The following RYR2 variants were observed in gnomAD, a reference collection of about 807,000 sequenced individuals.
RYR2 encodes cardiac muscle ryanodine receptor-calcium release channel.
In RYR2, 227 loss-of-function variants were observed where a neutral mutation model predicts 601.1. That is an observed-to-expected ratio of 0.38 (90% CI 0.34 to 0.42). The LOEUF is 0.42. Ranked by LOEUF, RYR2 falls within the 10% of genes least tolerant of loss-of-function variation. The probability of loss-of-function intolerance (pLI) is 1.00; values close to 1 mark genes in which losing one functional copy is unlikely to be tolerated. For missense variants in RYR2, 4,646 were observed against 6,156.5 expected (o/e 0.75, Z 8.21); for synonymous variants, 2,223 against 2,175.1 (o/e 1.02, Z -0.61).
chr1:237,460,504 G>A (rs1659354250), intron 16 of RYR2, among the ~76,000 whole-genome samples: 1 of 152,078 alleles, frequency 6.6e-6, no homozygotes, highest in South Asian at 2.1e-4. Flanking sequence ...TTCCTCAAAG[G>A]GTTTTATGAA....
rs1367691395 is a variant in RYR2 at position 237,118,309 on chromosome 1, T to C, written c.48+75740T>C. On this transcript the variant is annotated intron_variant, in intron 1 of 104. Transcript: ENST00000366574. ...CCCACTCACCTTACAGAAAGTCCTT[T>C]TCTGTATCCCATGTGACAACTGTAG... is the stretch of plus-strand genomic sequence containing the variant. Among the ~76,000 whole-genome samples, 3 of 152,084 alleles carry C rather than the reference T, an allele frequency of 2.0e-5. No homozygotes were observed. The East Asian group carries it at 5.8e-4, about 29-fold the overall frequency.
intron 1 of RYR2, among the ~76,000 whole-genome samples, chr1:237,054,325 TC>T (rs1046209690): frequency 6.9e-5 from 1 of 14,484 alleles, no homozygotes; most frequent in African/African-American, 2.5e-4. Context: ...CCTCCCCGCC[TC>T]CCCCCTCCCC....
chr1:237,423,941 G>A (rs1221255685), intron 12 of RYR2, among the ~76,000 whole-genome samples: 4 of 152,176 alleles, frequency 2.6e-5, no homozygotes, highest in Non-Finnish European at 5.9e-5. Context: ...AATCATGACA[G>A]AAGGGGAAGC....
chr1:237,524,911 T>C (rs1163686982), intron 24 of RYR2, among the ~76,000 whole-genome samples: 2 of 152,150 alleles, frequency 1.3e-5, no homozygotes, highest in South Asian at 2.1e-4. Context: ...CACTATACTT[T>C]TTTAAAAAGT....
chr1:237,329,809 A>T (rs954404019), intron 2 of RYR2, among the ~76,000 whole-genome samples: 1 of 152,032 alleles, frequency 6.6e-6, no homozygotes, highest in South Asian at 2.1e-4. Flanking sequence ...TCACCTCCTG[A>T]GTTGTGATTT....
chr1:237,705,240 A>G lies in RYR2; in HGVS notation c.9477A>G (p.Leu3159=), dbSNP rs967916943. The change falls in exon 67 of 105, where the codon CTA becomes CTG. Residue 3159 remains leucine, a synonymous_variant. Coordinates refer to ENST00000366574, the MANE Select transcript of RYR2 (RefSeq NM_001035.3). ...AACGTTCTGCATTAGGAGAATGTCT[A>G]GCTGCCTTTGCTGGTGCTTTTCCTG... is the stretch of plus-strand genomic sequence containing the variant. The part of the protein sequence containing the change: ...ERQRSALGEC[L]AAFAGAFPVA... The G allele has an allele frequency of 6.2e-7, 1 of 1,608,108 alleles. No individual in the cohort carries two copies. The highest frequency in any genetic ancestry group is 8.5e-7 in the Non-Finnish European group (1 of 1,176,578).
Position 237,833,845 on chromosome 1 carries a change from A to G in RYR2, c.*1198A>G, listed in dbSNP as rs1664091042. The G allele has an allele frequency of 6.6e-6, 1 of 152,652 alleles. No individual in the cohort carries two copies. Among genetic ancestry groups the G allele is most frequent in the East Asian group, 1.9e-4 (1 of 5,192 alleles). 9.5% of individuals were successfully genotyped at this position (152,652 alleles called of 1,614,324 possible). A position where few individuals can be genotyped will look rare whatever the true frequency, so the allele number is the denominator to read the frequency against. Reference sequence around the variant, plus strand: ...CATTTTTTCCATTTTGAGTCCTTTTAAATGTAATGCTAACCTTTACAATTA... The same window carrying G: ...CATTTTTTCCATTTTGAGTCCTTTTGAATGTAATGCTAACCTTTACAATTA... On this transcript the variant is annotated 3_prime_UTR_variant, in exon 105 of 105. Transcript: ENST00000366574.
chr1:237,140,126 G>A (rs6670388), intron 1 of RYR2, among the ~76,000 whole-genome samples: 11,265 of 152,254 alleles, frequency 0.074, 462 homozygotes, highest in South Asian at 0.12. Flanking sequence ...CTGAAGCACC[G>A]TTGCAGAACA....
chr1:237,507,311 A>G (rs2150519754), intron 23 of RYR2, among the ~76,000 whole-genome samples: 1 of 152,348 alleles, frequency 6.6e-6, no homozygotes, highest in South Asian at 2.1e-4. Context: ...ATGATTGCAC[A>G]TGCTTCTAAA....
chr1:237,735,154 A>G (rs1290839655), intron 79 of RYR2, among the ~76,000 whole-genome samples: 1 of 152,168 alleles, frequency 6.6e-6, no homozygotes, highest in African/African-American at 2.4e-5. Context: ...AAATCTCCAG[A>G]TTTATTTCAT....
At chr1:237,677,924 G>T in intron 60 of RYR2, 124 bp from the exon 61 acceptor site, 2 of 634,204 alleles carry the variant, frequency 3.2e-6, no homozygotes, top group Admixed American at 2.9e-5. Flanking sequence ...ATTTTTGGTT[G>T]GCTTTTTACA....
Position 237,330,750 on chromosome 1 carries a change from T to G in RYR2, c.169-128T>G, listed in dbSNP as rs538554073. The G allele has an allele frequency of 2.4e-5, 17 of 723,356 alleles. No individual in the cohort carries two copies. In the South Asian group the frequency reaches 2.4e-4, roughly 10 times the overall value. 44.8% of individuals were successfully genotyped at this position (723,356 alleles called of 1,614,324 possible). The stretch of plus-strand genomic sequence containing the variant: ...AGTAATGACAGTGTTTCTTGATGAC[T>G]GGGGAACTTGCAGTAGAAAGTTGAC... On this transcript the variant is annotated intron_variant, in intron 2 of 104. Coordinates refer to ENST00000366574, the MANE Select transcript of RYR2 (RefSeq NM_001035.3).
At chr1:237,745,589 A>G (rs1023750933) in intron 80 of RYR2, among the ~76,000 whole-genome samples, 1 of 152,198 alleles carries the variant, frequency 6.6e-6, no homozygotes, top group African/African-American at 2.4e-5. Flanking sequence ...GACATTAGAA[A>G]GGCTCCTCAT....
At chr1:237,822,129 A>G (rs2819735) in intron 101 of RYR2, among the ~76,000 whole-genome samples, 39,919 of 152,012 alleles carry the variant, frequency 0.26, 5,698 homozygotes, top group East Asian at 0.61. Flanking sequence ...GAACTTCCCC[A>G]ACCTAGCAAG....
intron 26 of RYR2, 125 bp downstream of exon 26, chr1:237,548,715 T>G: frequency 8.3e-7 from 1 of 1,204,620 alleles, no homozygotes. Context: ...TAGTGCACAT[T>G]TGGACTAAAA....
intron 3 of RYR2, chr1:237,352,791 C>CATT (rs757286244): frequency 2.1e-6 from 1 of 480,442 alleles, no homozygotes; most frequent in Non-Finnish European, 4.2e-6. Flanking sequence ...TGTCTTGATG[C>CATT]ATTAGTAAGT....
At chr1:237,599,251 A>C (rs1288674759) in intron 34 of RYR2, among the ~76,000 whole-genome samples, 1 of 152,206 alleles carries the variant, frequency 6.6e-6, no homozygotes, top group Admixed American at 6.5e-5. Flanking sequence ...TCTGTTCAAC[A>C]TAATACTAGA....
At chr1:237,589,632 G>A (rs1379477957) in intron 29 of RYR2, among the ~76,000 whole-genome samples, 161 bp from the exon 30 acceptor site, 1 of 152,174 alleles carries the variant, frequency 6.6e-6, no homozygotes, top group Non-Finnish European at 1.5e-5. Context: ...TCACCCTTAT[G>A]GGTAATATTT....
At chr1:237,435,770 T>C (rs899479759) in intron 12 of RYR2, among the ~76,000 whole-genome samples, 2 of 152,224 alleles carry the variant, frequency 1.3e-5, no homozygotes, top group African/African-American at 4.8e-5. Flanking sequence ...TAAAGCTACA[T>C]TCTCATATAT....
Sources: gnomAD v4.1 joint callset for allele counts (sites outside exome capture counted in the v4.1 genomes callset) on GRCh38, gnomAD v4.1.1 for gene constraint, MANE v1.5 for transcripts, NCBI Gene and HGNC (gene_info 2026-07-23, HGNC 2026-07-21) for gene names.